The following ZNF618 variants were observed in gnomAD, a reference collection of about 807,000 sequenced individuals.
ZNF618 encodes the protein zinc finger protein 618.
A neutral mutation model predicts 103.0 loss-of-function variants in ZNF618; 34 were observed. The ratio of observed to expected loss-of-function variants is 0.33; its 90% CI spans 0.25 to 0.44. ZNF618 has a LOEUF of 0.44. Ranked by LOEUF, ZNF618 falls within the 20% of genes least tolerant of loss-of-function variation. The pLI, the probability that ZNF618 is intolerant of heterozygous loss-of-function variation, is 1.00. For synonymous variants in ZNF618, 551 were observed against 542.2 expected, an observed-to-expected ratio of 1.02 and a Z score of -0.23; for missense variants, 1,059 against 1,295.4, an observed-to-expected ratio of 0.82 and a Z score of 2.80.
At chr9:113,934,147 CAGTG>C (rs1474356396) in intron 1 of ZNF618, among the ~76,000 whole-genome samples, 1 of 152,114 alleles carries the variant, frequency 6.6e-6, no homozygotes, top group Non-Finnish European at 1.5e-5. Flanking sequence ...GCAGGAAAGT[CAGTG>C]AGCCAGGGGC....
intron 12 of ZNF618, among the ~76,000 whole-genome samples, chr9:114,034,986 A>G (rs992018618): frequency 1.3e-5 from 2 of 152,274 alleles, no homozygotes; most frequent in South Asian, 2.1e-4. Context: ...CCCAGCACCC[A>G]CAGTAAACCT....
At chr9:113,937,815 C>T (rs1834160779) in intron 1 of ZNF618, among the ~76,000 whole-genome samples, 1 of 152,200 alleles carries the variant, frequency 6.6e-6, no homozygotes, top group African/African-American at 2.4e-5. Context: ...CTGATATATA[C>T]ATGGATCTGC....
At chr9:114,000,338 G>C (rs543566544) in intron 4 of ZNF618, among the ~76,000 whole-genome samples, 2 of 152,244 alleles carry the variant, frequency 1.3e-5, no homozygotes, top group South Asian at 4.1e-4. Flanking sequence ...GGTTGTGTCC[G>C]AGATCAAAAA....
chr9:113,983,913 C>T (rs1401347358), intron 2 of ZNF618, among the ~76,000 whole-genome samples: 7 of 152,018 alleles, frequency 4.6e-5, no homozygotes, highest in East Asian at 1.9e-4. Flanking sequence ...CAGTGGGCCC[C>T]GGGGAGTCTT....
intron 1 of ZNF618, among the ~76,000 whole-genome samples, chr9:113,899,483 G>A (rs145405474): frequency 2.0e-5 from 3 of 152,284 alleles, no homozygotes; most frequent in East Asian, 3.9e-4. Flanking sequence ...CAGCAACACC[G>A]TTAGATTCTC....
intron 13 of ZNF618, among the ~76,000 whole-genome samples, chr9:114,041,634 G>A (rs1845191284): frequency 6.6e-6 from 1 of 152,184 alleles, no homozygotes; most frequent in South Asian, 2.1e-4. Flanking sequence ...AGATCGGATG[G>A]TTGTAGATGT....
intron 3 of ZNF618, among the ~76,000 whole-genome samples, chr9:113,995,146 A>G (rs1253045303): frequency 1.3e-5 from 2 of 152,104 alleles, no homozygotes; most frequent in Non-Finnish European, 2.9e-5. Context: ...TTTTATCCTA[A>G]TGTAAAATAT....
intron 6 of ZNF618, among the ~76,000 whole-genome samples, chr9:114,005,632 C>A (rs989591508): frequency 3.3e-5 from 5 of 152,166 alleles, no homozygotes; most frequent in African/African-American, 9.7e-5. Flanking sequence ...CAGTCTGGAA[C>A]CAGACCCCAG....
chr9:114,009,188 G>C (rs1254472290), intron 9 of ZNF618, among the ~76,000 whole-genome samples: 1 of 152,164 alleles, frequency 6.6e-6, no homozygotes, highest in Non-Finnish European at 1.5e-5. Context: ...TTGGGGGTGG[G>C]GACAGCAGAT....
chr9:113,999,182 G>A (rs577958376), intron 4 of ZNF618, among the ~76,000 whole-genome samples: 25 of 152,352 alleles, frequency 1.6e-4, no homozygotes, highest in Admixed American at 4.6e-4. Flanking sequence ...GCCCAGAGTC[G>A]GGCTGAGCGA....
At chr9:114,035,499 C>T (rs1844503186) in intron 12 of ZNF618, among the ~76,000 whole-genome samples, 1 of 152,234 alleles carries the variant, frequency 6.6e-6, no homozygotes, top group Admixed American at 6.5e-5. Flanking sequence ...CCTTCCCATT[C>T]ACGGTCGTCG....
intron 9 of ZNF618, among the ~76,000 whole-genome samples, chr9:114,013,656 C>G (rs1013768993): frequency 1.3e-4 from 20 of 152,198 alleles, no homozygotes; most frequent in Non-Finnish European, 2.2e-4. Flanking sequence ...TGGTCTTGAT[C>G]TCCTGACCTT....
intron 10 of ZNF618, 97 bp from the exon 11 acceptor site, chr9:114,028,636 A>G (rs1843722569): frequency 3.5e-6 from 5 of 1,427,862 alleles, no homozygotes; most frequent in Non-Finnish European, 4.6e-6. Flanking sequence ...TTGGACAGAG[A>G]CAGTCCCAAC....
chr9:113,906,396 A>G (rs1830992729), intron 1 of ZNF618, among the ~76,000 whole-genome samples: 1 of 152,068 alleles, frequency 6.6e-6, no homozygotes, highest in African/African-American at 2.4e-5. Flanking sequence ...TCTGATGGGC[A>G]TTTCGCTCTT....
At chr9:113,990,109 G>C (rs1839896334) in intron 3 of ZNF618, among the ~76,000 whole-genome samples, 1 of 152,180 alleles carries the variant, frequency 6.6e-6, no homozygotes, top group South Asian at 2.1e-4. Context: ...GCCTCTCCCA[G>C]GAATGCCTTC....
chr9:113,982,001 C>CGG (rs1839019671), intron 2 of ZNF618, among the ~76,000 whole-genome samples: 1 of 150,892 alleles, frequency 6.6e-6, no homozygotes, highest in Non-Finnish European at 1.5e-5. Context: ...AGGTGAGACC[C>CGG]AGAGAGAGAG....
At chr9:114,024,305 T>C (rs1475866409) in intron 10 of ZNF618, among the ~76,000 whole-genome samples, 2 of 152,222 alleles carry the variant, frequency 1.3e-5, no homozygotes. Flanking sequence ...TTTATTTCTC[T>C]TCATTATTTT....
chr9:114,011,339 A>G (rs1196720029), intron 9 of ZNF618, among the ~76,000 whole-genome samples: 3 of 152,252 alleles, frequency 2.0e-5, no homozygotes, highest in Admixed American at 1.3e-4. Flanking sequence ...ATGCAGAACA[A>G]GATGAAGTGT....
chr9:113,931,507 T>A (rs1053988565), intron 1 of ZNF618, among the ~76,000 whole-genome samples: 10 of 152,226 alleles, frequency 6.6e-5, no homozygotes, highest in African/African-American at 2.4e-4. Context: ...GGTTTAATGC[T>A]TGGCTGGGTT....
Sources: allele counts gnomAD v4.1 joint callset (sites outside exome capture counted in the v4.1 genomes callset), GRCh38; gene constraint gnomAD v4.1.1; transcripts MANE v1.5; gene names NCBI Gene and HGNC (gene_info 2026-07-23, HGNC 2026-07-21).